The following ABCB4 variants were observed in gnomAD, a reference collection of about 807,000 sequenced individuals.
The protein encoded by ABCB4 is phosphatidylcholine translocator ABCB4.
A neutral mutation model predicts 145.7 loss-of-function variants in ABCB4; 76 were observed. That is an observed-to-expected ratio of 0.52 (90% CI 0.43 to 0.63). ABCB4 has a LOEUF of 0.63. ABCB4 is among the 30% of genes least tolerant of loss of function. The pLI is 0.00. For synonymous variants in ABCB4, 517 were observed against 566.8 expected (o/e 0.91, Z 1.25); for missense variants, 1,234 against 1,553.1 (o/e 0.79, Z 3.45).
At chr7:87,374,198 C>T in the ABCB4 span, among the ~76,000 whole-genome samples, 1 of 151,976 alleles carries the variant, frequency 6.6e-6, no homozygotes, top group Non-Finnish European at 1.5e-5. Flanking sequence ...AGCTGAAAAA[C>T]AGGTGCATAG....
intron 15 of ABCB4, among the ~76,000 whole-genome samples, chr7:87,428,204 C>T (rs1809968169): frequency 6.6e-6 from 1 of 152,144 alleles, no homozygotes; most frequent in Non-Finnish European, 1.5e-5. Context: ...CCTTCTATGA[C>T]CAAATGAACA....
chr7:87,416,296 A>G (rs1182986583), intron 21 of ABCB4, among the ~76,000 whole-genome samples: 1 of 152,198 alleles, frequency 6.6e-6, no homozygotes, highest in East Asian at 1.9e-4. Context: ...CCCTCTTAAT[A>G]TGGTGCCTCT....
downstream of ABCB4, chr7:87,401,579 G>A (rs187413960): frequency 1.9e-4 from 38 of 198,084 alleles, no homozygotes; most frequent in East Asian, 4.1e-3. Flanking sequence ...TGCTTTCAGA[G>A]TTAGCTCGGT....
chr7:87,472,183 C>T (rs1252788578), intron 3 of ABCB4, among the ~76,000 whole-genome samples: 2 of 152,046 alleles, frequency 1.3e-5, no homozygotes, highest in African/African-American at 4.8e-5. Context: ...AGCACAGGTG[C>T]AGCAAGGACA....
At chr7:87,371,325 A>G in the ABCB4 span, among the ~76,000 whole-genome samples, 1 of 152,212 alleles carries the variant, frequency 6.6e-6, no homozygotes, top group African/African-American at 2.4e-5. Context: ...TCTTTTAATC[A>G]ACAATAAATG....
chr7:87,371,473 A>G, the ABCB4 span, among the ~76,000 whole-genome samples: 3 of 152,296 alleles, frequency 2.0e-5, no homozygotes, highest in African/African-American at 7.2e-5. Flanking sequence ...ATTTGTTGCT[A>G]TAACAAATAA....
intron 15 of ABCB4, among the ~76,000 whole-genome samples, chr7:87,430,337 A>G (rs1056516908): frequency 9.2e-5 from 14 of 152,230 alleles, no homozygotes; most frequent in African/African-American, 3.4e-4. Context: ...GTACATGCTA[A>G]TTACAGTTGT....
chr7:87,424,249 T>C (rs998745591), intron 16 of ABCB4, among the ~76,000 whole-genome samples, 197 bp from the exon 17 acceptor site: 1 of 152,202 alleles, frequency 6.6e-6, no homozygotes, highest in Non-Finnish European at 1.5e-5. Flanking sequence ...ATAAGCTGAG[T>C]ATGGGTTGTT....
At chr7:87,381,444 C>G in the ABCB4 span, among the ~76,000 whole-genome samples, 9 of 152,246 alleles carry the variant, frequency 5.9e-5, 1 homozygote, top group African/African-American at 1.9e-4. Context: ...AATGGTTATG[C>G]TTTCTAATAT....
At chr7:87,417,170 A>G (rs1809033579) in intron 21 of ABCB4, 142 bp downstream of exon 21, 6 of 805,738 alleles carry the variant, frequency 7.4e-6, no homozygotes, top group African/African-American at 5.2e-5. Flanking sequence ...ACAGTAAAAT[A>G]TTTCATACAC....
chr7:87,442,074 C>CT (rs761988142), intron 12 of ABCB4, among the ~76,000 whole-genome samples: 59 of 151,910 alleles, frequency 3.9e-4, no homozygotes, highest in African/African-American at 1.2e-3. Context: ...TTCTGAAGAT[C>CT]TTTTTTTTCT....
intron 7 of ABCB4, among the ~76,000 whole-genome samples, chr7:87,450,352 T>C (rs150973484): frequency 6.6e-6 from 1 of 152,342 alleles, no homozygotes; most frequent in East Asian, 1.9e-4. Context: ...AATAGCACTC[T>C]TGGGAACACT....
chr7:87,467,161 C>T (rs564528462), intron 3 of ABCB4, among the ~76,000 whole-genome samples: 10 of 152,164 alleles, frequency 6.6e-5, no homozygotes, highest in East Asian at 3.9e-4. Flanking sequence ...ACCCATCTCA[C>T]GTGCAGAGAC....
At chr7:87,385,375 CTT>C in the ABCB4 span, among the ~76,000 whole-genome samples, 1 of 151,870 alleles carries the variant, frequency 6.6e-6, no homozygotes, top group Non-Finnish European at 1.5e-5. Flanking sequence ...TCATCAGTGT[CTT>C]ATAGTCTTCC....
intron 12 of ABCB4, among the ~76,000 whole-genome samples, chr7:87,443,111 G>T (rs1399079524): frequency 6.6e-6 from 1 of 152,318 alleles, no homozygotes; most frequent in South Asian, 2.1e-4. Context: ...GGAGAGCTTT[G>T]TCCAGCTTCC....
At chr7:87,379,167 T>G in the ABCB4 span, among the ~76,000 whole-genome samples, 436 of 152,344 alleles carry the variant, frequency 2.9e-3, 2 homozygotes, top group Non-Finnish European at 3.3e-3. Flanking sequence ...CCCTTTGACC[T>G]GTCTGCTGCA....
chr7:87,398,862 A>G (rs1009944449), downstream of ABCB4: 16 of 527,524 alleles, frequency 3.0e-5, no homozygotes, highest in Non-Finnish European at 5.4e-5. Flanking sequence ...TGCAGCAGCA[A>G]TGCAAATTAT....
chr7:87,466,733 G>A (rs950089109), intron 3 of ABCB4, among the ~76,000 whole-genome samples: 5 of 152,168 alleles, frequency 3.3e-5, no homozygotes, highest in Non-Finnish European at 1.5e-5. Context: ...GAAGAGAGAG[G>A]GGGCCAATAT....
rs751834957 is a variant in ABCB4, at chr7:87,443,713, A to G, written c.1180T>C (p.Leu394=). Residue 394 remains leucine (L), a synonymous_variant, in exon 11 of 28, where the codon TTG becomes CTG. Coordinates refer to ENST00000649586, the MANE Select transcript of ABCB4 (RefSeq NM_000443.4). ...GAAAAGTGAACATCATTGAACTCCAAATTCCCTTTGATGCTGTCTGGTTTG... is the reference window on the plus strand; with the variant it reads ...GAAAAGTGAACATCATTGAACTCCAGATTCCCTTTGATGCTGTCTGGTTTG... The part of the protein sequence containing the change: ...GHKPDSIKGN[L]EFNDVHFSYP... The G allele has an allele frequency of 1.2e-5, 19 of 1,614,040 alleles. No homozygotes were observed. Among genetic ancestry groups the G allele is most frequent in the Middle Eastern group, 1.6e-4 (1 of 6,062 alleles).
Sources: allele counts gnomAD v4.1 joint callset (sites outside exome capture counted in the v4.1 genomes callset), GRCh38; gene constraint gnomAD v4.1.1; transcripts MANE v1.5; gene names NCBI Gene and HGNC (gene_info 2026-07-23, HGNC 2026-07-21).